Variants in NBN observed in about 807,000 individuals in gnomAD.
The protein encoded by NBN is Nijmegen breakage syndrome 1 (nibrin).
Under a neutral mutation model 90.8 loss-of-function variants are expected in NBN, and 88 were observed. That is an observed-to-expected ratio of 0.97 (90% CI 0.82 to 1.16). The LOEUF is 1.16. Among genes scored for constraint, NBN ranks in the 50% most tolerant of loss-of-function variants. NBN has a pLI of 0.00. For missense variants in NBN, 894 were observed against 869.6 expected, an observed-to-expected ratio of 1.03 and a Z score of -0.35; for synonymous variants, 328 against 295.1, an observed-to-expected ratio of 1.11 and a Z score of -1.14.
rs759888769 is a variant in NBN, at chr8:89,943,270, G to C, written c.2167C>G (p.Leu723Val). Residue 723 changes from leucine (L) to valine (V), a missense_variant, in exon 14 of 16, where the codon CTA (leucine) becomes GTA (valine). Leu to Val is a conservative substitution (Grantham distance 32). Coordinates refer to ENST00000265433, the MANE Select transcript of NBN (RefSeq NM_002485.5). ...CTACTAACCTCCATTTCCTGCCTTAGCCACTCTTCTAGTTCTGTATTCTTT... is the reference window on the plus strand; with the variant it reads ...CTACTAACCTCCATTTCCTGCCTTACCCACTCTTCTAGTTCTGTATTCTTT... ...ARKNTELEEW[L>V]RQEMEVQNQH... 6.2e-7 allele frequency: 1 copy of C among 1,613,606 alleles called. No homozygotes were observed. The highest frequency in any genetic ancestry group is 8.5e-7 in the Non-Finnish European group (1 of 1,179,736).
intron 9 of NBN, 40 bp from the exon 10 acceptor site, chr8:89,955,595 T>C: frequency 2.5e-6 from 4 of 1,592,104 alleles, no homozygotes; most frequent in Non-Finnish European, 3.4e-6. Context: ...ATAATCAAGT[T>C]TACAGCAACT....
chr8:89,942,804 CAGA>C (rs1446661902), intron 14 of NBN, among the ~76,000 whole-genome samples: 2 of 152,000 alleles, frequency 1.3e-5, no homozygotes, highest in Non-Finnish European at 2.9e-5. Context: ...GTTGGAATTC[CAGA>C]AGGAGATAAT....
chr8:89,955,178 G>A, intron 10 of NBN, 105 bp downstream of exon 10: 2 of 1,137,496 alleles, frequency 1.8e-6, no homozygotes, highest in Non-Finnish European at 2.6e-6. Context: ...TGCAGCAGCA[G>A]AAGCATACTT....
chr8:89,946,839 A>G (rs1810213888), intron 12 of NBN, among the ~76,000 whole-genome samples: 1 of 152,162 alleles, frequency 6.6e-6, no homozygotes, highest in Non-Finnish European at 1.5e-5. Context: ...TTCAAGATTA[A>G]TAGCTGTTAA....
intron 5 of NBN, among the ~76,000 whole-genome samples, chr8:89,977,182 C>T (rs1360122223): frequency 6.6e-6 from 1 of 152,130 alleles, no homozygotes; most frequent in African/African-American, 2.4e-5. Flanking sequence ...TTAAGACCCA[C>T]ATGCATTAGG....
intron 11 of NBN, 101 bp downstream of exon 11, chr8:89,953,143 A>C: frequency 1.2e-6 from 1 of 868,786 alleles, no homozygotes. Flanking sequence ...CTGAGTGTTA[A>C]AGACATTAAT....
At chr8:89,972,944 T>G (rs937134817) in intron 5 of NBN, among the ~76,000 whole-genome samples, 1 of 152,356 alleles carries the variant, frequency 6.6e-6, no homozygotes, top group East Asian at 1.9e-4. Context: ...TTATTCACAC[T>G]GTCATTCTTA....
In NBN at chr8:89,946,060, T is replaced by C. The variant is rs568810770; in HGVS notation, c.2070+80A>G. On this transcript the variant is annotated intron_variant, in intron 13 of 15. Coordinates refer to ENST00000265433, the MANE Select transcript of NBN (RefSeq NM_002485.5). ...AGTATCAGTTTTCAACATAAACTGC[T>C]TTTATCTTTGTTTAGCATCACTGGT... 366 of 1,146,222 alleles carry C rather than the reference T, an allele frequency of 3.2e-4. 3 individuals carry two copies. The highest frequency in any genetic ancestry group is 1.1e-3 in the Middle Eastern group (4 of 3,494). 71.0% of individuals were successfully genotyped at this position (1,146,222 alleles called of 1,614,324 possible).
Position 89,964,740 on chromosome 8 carries a change from GA to G in NBN, c.897-234del, listed in dbSNP as rs527605932. On this transcript the variant is annotated intron_variant, in intron 7 of 15. Transcript: ENST00000265433. ...TTCATCTGTAAAATAAGGGGCTAAA[GA>G]ATATAGATCTTCCCAGTTCTAAAAT... Among the ~76,000 whole-genome samples the G allele has an allele frequency of 2.1e-3, 318 of 152,206 alleles. 1 individual carries two copies. The highest frequency in any genetic ancestry group is 7.0e-3 in the African/African-American group (289 of 41,532).
At position 89,955,539 on chromosome 8, in the gene NBN, G is replaced by T. The variant is rs2129722201; in HGVS notation, c.1141C>A (p.Pro381Thr). The change falls in exon 10 of 16, where the codon CCA becomes ACA. Residue 381 changes from proline to threonine, a missense_variant. Physicochemically the swap from Pro to Thr is conservative, Grantham distance 38. Transcript: ENST00000265433. The stretch of plus-strand genomic sequence containing the variant: ...ATTTTGGAGACTTTGATTTCTTTTG[G>T]CCTTTCACTCAAATCCCTGTAGAAA... ...QADTWDLSER[P>T]KEIKVSKMEQ... The T allele has an allele frequency of 6.2e-7, 1 of 1,613,018 alleles. No homozygotes were observed. Among genetic ancestry groups the T allele is most frequent in the Non-Finnish European group, 8.5e-7 (1 of 1,179,644 alleles).
chr8:89,970,245 G>A (rs866514265), intron 7 of NBN, 119 bp downstream of exon 7: 68 of 820,402 alleles, frequency 8.3e-5, no homozygotes, highest in Admixed American at 7.7e-4. Flanking sequence ...GCAAGACTCC[G>A]TCTCAAAAAA....
chr8:89,966,475 G>C (rs1278079849), intron 7 of NBN, among the ~76,000 whole-genome samples: 3 of 152,122 alleles, frequency 2.0e-5, no homozygotes, highest in Admixed American at 6.5e-5. Flanking sequence ...ATATGTACTA[G>C]CTAGGAATAA....
At chr8:89,973,817 A>G (rs1190303432) in intron 5 of NBN, among the ~76,000 whole-genome samples, 1 of 152,232 alleles carries the variant, frequency 6.6e-6, no homozygotes, top group Non-Finnish European at 1.5e-5. Context: ...TATTGACTGA[A>G]TATAACGATA....
intron 11 of NBN, among the ~76,000 whole-genome samples, chr8:89,950,758 G>T (rs542639783): frequency 6.7e-6 from 1 of 149,220 alleles, no homozygotes; most frequent in East Asian, 2.0e-4. Flanking sequence ...GTTTCTTTCG[G>T]TCTATGAAAG....
In NBN at chr8:89,981,513, T is replaced by C. The variant is rs1460282206; in HGVS notation, c.182A>G (p.Asp61Gly). The change falls in exon 3 of 16, where the codon GAT becomes GGT. Residue 61 changes from aspartate to glycine, a missense_variant. Physicochemically the swap from Asp to Gly is moderately conservative, Grantham distance 94 (BLOSUM62 -1). Coordinates refer to ENST00000265433, the MANE Select transcript of NBN (RefSeq NM_002485.5). ...TTTTAATGTCAATACAGGGATTTCA[T>C]CTGTTTGACTCTGAAAAGTTAGCAA... ...NFSVTNLSQT[D>G]EIPVLTLKDN... The C allele has an allele frequency of 1.9e-6, 3 of 1,612,882 alleles. No homozygotes were observed. Among genetic ancestry groups the C allele is most frequent in the Non-Finnish European group, 2.5e-6 (3 of 1,179,050 alleles).
At chr8:89,955,607 T>C (rs1178543300) in intron 9 of NBN, 52 bp from the exon 10 acceptor site, 2 of 1,564,972 alleles carry the variant, frequency 1.3e-6, no homozygotes, top group African/African-American at 1.4e-5. Flanking sequence ...ACAGCAACTT[T>C]AATAGAGAAA....
At chr8:89,946,408 A>C in intron 12 of NBN, 113 bp from the exon 13 acceptor site, 1 of 931,664 alleles carries the variant, frequency 1.1e-6, no homozygotes, top group Non-Finnish European at 1.7e-6. Context: ...AATAGTAAAA[A>C]TGTTTTATTT....
intron 14 of NBN, chr8:89,937,343 GT>G (rs1197569632): frequency 2.2e-6 from 1 of 454,812 alleles, no homozygotes; most frequent in Non-Finnish European, 4.0e-6. Flanking sequence ...AGCTTGCTGA[GT>G]TTTTAAACAC....
At chr8:89,978,889 T>C (rs1224246669) in intron 4 of NBN, among the ~76,000 whole-genome samples, 5 of 152,220 alleles carry the variant, frequency 3.3e-5, no homozygotes, top group Non-Finnish European at 7.3e-5. Context: ...AATTAAGCTA[T>C]AAGCCTCAAA....
Sources: gnomAD v4.1 joint callset for allele counts (sites outside exome capture counted in the v4.1 genomes callset) on GRCh38, gnomAD v4.1.1 for gene constraint, MANE v1.5 for transcripts, NCBI Gene and HGNC (gene_info 2026-07-23, HGNC 2026-07-21) for gene names.